The following SOX5 variants were observed in gnomAD, a reference collection of about 807,000 sequenced individuals.
SOX5 encodes the protein SRY-box transcription factor 5.
A neutral mutation model predicts 92.0 loss-of-function variants in SOX5; 9 were observed. The ratio of observed to expected loss-of-function variants is 0.10; its 90% CI spans 0.06 to 0.17. The LOEUF (loss-of-function observed/expected upper bound fraction) is 0.17. Ranked by LOEUF, SOX5 falls within the 10% of genes least tolerant of loss-of-function variation. The pLI is 1.00. For synonymous variants in SOX5, 344 were observed against 336.3 expected (o/e 1.02, Z -0.25); for missense variants, 642 against 944.5 (o/e 0.68, Z 4.20).
chr12:24,051,897 C>T (rs1957594281), intron 4 of SOX5, among the ~76,000 whole-genome samples: 1 of 152,182 alleles, frequency 6.6e-6, no homozygotes, highest in African/African-American at 2.4e-5. Context: ...ATTGCTTCAG[C>T]TCCTACCTTT....
chr12:24,335,972 C>CATATATATATATATAT (rs57461232), intron 2 of SOX5, among the ~76,000 whole-genome samples: 4,541 of 58,508 alleles, frequency 0.078, 622 homozygotes, highest in Non-Finnish European at 0.097. Context: ...GAAATGCTAT[C>CATATATATATATATAT]ATATATATAT....
chr12:23,781,526 T>A (rs1386112518), intron 3 of SOX5, among the ~76,000 whole-genome samples: 6 of 152,064 alleles, frequency 3.9e-5, no homozygotes, highest in African/African-American at 1.4e-4. Context: ...TTTAGAGTAA[T>A]TCAAAAACTA....
chr12:24,396,095 A>C (rs1790062307), intron 1 of SOX5, among the ~76,000 whole-genome samples: 1 of 152,212 alleles, frequency 6.6e-6, no homozygotes, highest in South Asian at 2.1e-4. Context: ...GCATTTGGTT[A>C]AGTGTCTAAA....
At chr12:24,410,533 T>C (rs1047809808) in intron 1 of SOX5, among the ~76,000 whole-genome samples, 10 of 152,240 alleles carry the variant, frequency 6.6e-5, no homozygotes, top group African/African-American at 2.4e-4. Flanking sequence ...CCTATGAATG[T>C]CCAAATCACT....
chr12:24,074,284 C>T (rs1942195011), intron 4 of SOX5, among the ~76,000 whole-genome samples: 1 of 151,936 alleles, frequency 6.6e-6, no homozygotes, highest in Non-Finnish European at 1.5e-5. Flanking sequence ...CTCTAGACCA[C>T]AAATGACACC....
chr12:24,101,846 CATACCA>C (rs1345737540), intron 4 of SOX5, among the ~76,000 whole-genome samples: 1 of 152,068 alleles, frequency 6.6e-6, no homozygotes, highest in Non-Finnish European at 1.5e-5. Context: ...AGGATAGACC[CATACCA>C]ATAAAAATCT....
At chr12:23,822,347 G>C (rs2096136634) in intron 3 of SOX5, among the ~76,000 whole-genome samples, 1 of 152,158 alleles carries the variant, frequency 6.6e-6, no homozygotes, top group African/African-American at 2.4e-5. Context: ...TGGTTTCAAA[G>C]AACTTATTTA....
At chr12:24,373,250 C>G (rs1258250489) in intron 1 of SOX5, among the ~76,000 whole-genome samples, 1 of 152,146 alleles carries the variant, frequency 6.6e-6, no homozygotes, top group East Asian at 1.9e-4. Flanking sequence ...GAATATGTTC[C>G]TATAGTTGCT....
At chr12:24,246,628 G>T (rs990582250) in intron 3 of SOX5, among the ~76,000 whole-genome samples, 21 of 152,114 alleles carry the variant, frequency 1.4e-4, no homozygotes, top group African/African-American at 5.1e-4. Flanking sequence ...TGGAAGAGAA[G>T]TAGTGTACAG....
At chr12:24,408,908 G>A (rs564794781) in intron 1 of SOX5, among the ~76,000 whole-genome samples, 8 of 152,306 alleles carry the variant, frequency 5.3e-5, no homozygotes, top group Admixed American at 1.3e-4. Context: ...CATTGTGGAA[G>A]ACAGCATGGT....
intron 3 of SOX5, among the ~76,000 whole-genome samples, chr12:24,263,993 A>T (rs1942646694): frequency 6.6e-6 from 1 of 152,234 alleles, no homozygotes; most frequent in Admixed American, 6.5e-5. Context: ...TTACACCAGA[A>T]ATAATAGTTG....
At chr12:24,539,809 C>T (rs558603030) in intron 1 of SOX5, among the ~76,000 whole-genome samples, 14 of 152,084 alleles carry the variant, frequency 9.2e-5, no homozygotes, top group Non-Finnish European at 1.5e-5. Flanking sequence ...TCATTTTACT[C>T]ATAAGTCATT....
intron 4 of SOX5, among the ~76,000 whole-genome samples, chr12:24,068,743 T>TAC (rs1941290146): frequency 1.3e-5 from 1 of 79,612 alleles, no homozygotes; most frequent in African/African-American, 5.1e-5. Context: ...TATATATATA[T>TAC]ATATACACAC....
At position 24,486,959 on chromosome 12, in the gene SOX5, C is replaced by T. The variant is rs148785813; in HGVS notation, c.-251+75370G>A. ...CACCCTGATACTGGTAAACAACACACTGCTCATTTATTCCAGGCTGGTAGG... is the reference window on the plus strand; with the variant it reads ...CACCCTGATACTGGTAAACAACACATTGCTCATTTATTCCAGGCTGGTAGG... On this transcript the variant is annotated intron_variant, in intron 1 of 4. Coordinates refer to the SOX5 transcript ENST00000446891. Among the ~76,000 whole-genome samples the T allele has an allele frequency of 2.6e-3, 397 of 152,312 alleles. 2 individuals are homozygous for T. Among genetic ancestry groups the T allele is most frequent in the African/African-American group, 9.1e-3 (377 of 41,564 alleles).
intron 4 of SOX5, among the ~76,000 whole-genome samples, chr12:24,143,819 GAAGA>G (rs1009800364): frequency 7.9e-5 from 12 of 151,448 alleles, no homozygotes; most frequent in South Asian, 2.1e-4. Flanking sequence ...AAGAAAAGAA[GAAGA>G]AAGAAAGAGG....
chr12:24,326,192 C>CA (rs1215038184), intron 2 of SOX5, among the ~76,000 whole-genome samples: 3 of 152,024 alleles, frequency 2.0e-5, no homozygotes, highest in Non-Finnish European at 4.4e-5. Flanking sequence ...TACTCTCTCC[C>CA]AAAAAAACTA....
chr12:23,538,822 A>G (rs1273768377), intron 13 of SOX5, among the ~76,000 whole-genome samples: 2 of 99,234 alleles, frequency 2.0e-5, no homozygotes, highest in African/African-American at 9.5e-5. Flanking sequence ...TTTTTTTGAG[A>G]CAGAGTCTTG....
intron 4 of SOX5, among the ~76,000 whole-genome samples, chr12:24,044,635 C>T (rs2137036086): frequency 6.6e-6 from 1 of 152,256 alleles, no homozygotes; most frequent in East Asian, 1.9e-4. Flanking sequence ...TTAAAAAATT[C>T]CTGGCTATCT....
chr12:23,725,474 C>A (rs1192725999), intron 6 of SOX5, among the ~76,000 whole-genome samples: 1 of 152,116 alleles, frequency 6.6e-6, no homozygotes, highest in Non-Finnish European at 1.5e-5. Flanking sequence ...GAAAGATCCA[C>A]CCCCATGATT....
Sources: allele counts gnomAD v4.1 joint callset (sites outside exome capture counted in the v4.1 genomes callset), GRCh38; gene constraint gnomAD v4.1.1; transcripts MANE v1.5; gene names NCBI Gene and HGNC (gene_info 2026-07-23, HGNC 2026-07-21).